The following PKN2 variants were observed in gnomAD, a reference collection of about 807,000 sequenced individuals.
PKN2 encodes the protein serine/threonine-protein kinase N2.
A neutral mutation model predicts 119.1 loss-of-function variants in PKN2; 38 were observed. That is an observed-to-expected ratio of 0.32 (90% CI 0.25 to 0.42). PKN2 has a LOEUF of 0.42. PKN2 is among the 10% of genes least tolerant of loss of function. The pLI, the probability that PKN2 is intolerant of heterozygous loss-of-function variation, is 1.00. For synonymous variants in PKN2, 390 were observed against 384.9 expected, an observed-to-expected ratio of 1.01 and a Z score of -0.15; for missense variants, 850 against 1,165.1, an observed-to-expected ratio of 0.73 and a Z score of 3.94.
chr1:88,804,134 C>CT (rs1298236302), intron 8 of PKN2, among the ~76,000 whole-genome samples: 1 of 152,004 alleles, frequency 6.6e-6, no homozygotes, highest in Non-Finnish European at 1.5e-5. Context: ...GTTGTGTATT[C>CT]TTTAAGTATA....
At chr1:88,755,329 A>G (rs1405955995) in intron 2 of PKN2, among the ~76,000 whole-genome samples, 2 of 152,222 alleles carry the variant, frequency 1.3e-5, no homozygotes, top group African/African-American at 4.8e-5. Context: ...GGCAGGTTAA[A>G]GAGGAAAATA....
At position 88,818,938 on chromosome 1, in the gene PKN2, C is replaced by G. The variant is rs2100908205; in HGVS notation, c.2280-3003C>G. 1.3e-5 allele frequency among the ~76,000 whole-genome samples: 2 copies of G among 151,758 alleles called. 1 individual carries two copies. The highest frequency in any genetic ancestry group is 6.8e-3 in the Middle Eastern group (2 of 294). ...AAAACAAGTAATGGGGAAAGAATTC[C>G]CTATTTAATAAATGGTGTTGGGAAA... On this transcript the variant is annotated intron_variant, in intron 16 of 21. Transcript: ENST00000370521.
In PKN2 at chr1:88,835,259, G is replaced by A. The variant is rs1012213963; in HGVS notation, c.*1811G>A. 11 of 152,220 alleles carry A rather than the reference G, an allele frequency of 7.2e-5. No homozygotes were observed. The highest frequency in any genetic ancestry group is 2.4e-4 in the African/African-American group (10 of 41,360). 9.4% of individuals were successfully genotyped at this position (152,220 alleles called of 1,614,324 possible). Reference sequence around the variant, plus strand: ...TTTTAAAATGCCAGTTAATTTCCTCGGCAAAGGACAATAGAGGAACTTAGC... The same window carrying A: ...TTTTAAAATGCCAGTTAATTTCCTCAGCAAAGGACAATAGAGGAACTTAGC... On this transcript the variant is annotated 3_prime_UTR_variant, in exon 22 of 22. Transcript: ENST00000370521.
intron 3 of PKN2, among the ~76,000 whole-genome samples, chr1:88,769,836 A>C (rs961259188): frequency 3.3e-5 from 5 of 152,218 alleles, no homozygotes; most frequent in African/African-American, 1.2e-4. Flanking sequence ...GAAGTTGGTC[A>C]AAAGGTACAT....
chr1:88,762,106 T>C (rs1669471459), intron 3 of PKN2, among the ~76,000 whole-genome samples: 1 of 152,180 alleles, frequency 6.6e-6, no homozygotes, highest in South Asian at 2.1e-4. Context: ...ATGTTGATAG[T>C]TGTATGGATG....
At chr1:88,753,506 G>A (rs561811565) in intron 2 of PKN2, among the ~76,000 whole-genome samples, 1 of 152,134 alleles carries the variant, frequency 6.6e-6, no homozygotes, top group Admixed American at 6.5e-5. Flanking sequence ...AGAAATACCC[G>A]AGACTGGGTA....
Position 88,684,480 on chromosome 1 carries a change from T to TC in PKN2, c.-100dup. 2.1e-6 allele frequency: 2 copies of TC among 961,698 alleles called. No homozygotes were observed. Among genetic ancestry groups the TC allele is most frequent in the African/African-American group, 1.8e-5 (1 of 56,324 alleles). The allele number at this position is 961,698 out of a possible 1,614,324, so 59.6% of individuals were successfully genotyped here. A position where few individuals can be genotyped will look rare whatever the true frequency, so the allele number is the denominator to read the frequency against. The stretch of plus-strand genomic sequence containing the variant: ...GAATCCCTAGTTGTTTTTTTTTTTT[T>TC]CTTTCTCTCCCCTCTCCTCACCCCC... On this transcript the variant is annotated 5_prime_UTR_variant, in exon 1 of 22. Transcript: ENST00000370521.
chr1:88,687,761 C>T (rs199567035), intron 1 of PKN2, among the ~76,000 whole-genome samples: 6,176 of 142,980 alleles, frequency 0.043, 197 homozygotes, highest in African/African-American at 0.11. Context: ...TTTCACCAAA[C>T]AGTTATGTAG....
At chr1:88,799,060 G>A (rs1168648657) in intron 8 of PKN2, among the ~76,000 whole-genome samples, 1 of 152,164 alleles carries the variant, frequency 6.6e-6, no homozygotes, top group Non-Finnish European at 1.5e-5. Flanking sequence ...AAGACATGGA[G>A]GCAGAAAAGT....
At chr1:88,736,388 C>T (rs1034567586) in intron 1 of PKN2, among the ~76,000 whole-genome samples, 1 of 151,734 alleles carries the variant, frequency 6.6e-6, no homozygotes, top group East Asian at 1.9e-4. Flanking sequence ...GAGACAGAGT[C>T]TCACTCACTC....
rs755753660 is a variant in PKN2 at position 88,786,155 on chromosome 1, G to C, written c.1223G>C (p.Ser408Thr). ...KLDNTVVGQT[S>T]WKPISNQSWD... ...GATAATACTGTGGTTGGCCAAACTAGCTGGAAACCCATTTCCAATCAGTCA... is the reference window on the plus strand; with the variant it reads ...GATAATACTGTGGTTGGCCAAACTACCTGGAAACCCATTTCCAATCAGTCA... Residue 408 changes from serine (S) to threonine (T), a missense_variant, in exon 8 of 22, where the codon AGC (serine) becomes ACC (threonine). This residue lies in a region of PKN2 where 350 missense variants were observed against 511.1 expected (regional missense o/e 0.68). Transcript: ENST00000370521. The C allele has an allele frequency of 4.3e-6, 7 of 1,613,248 alleles. No individual in the cohort carries two copies. Among genetic ancestry groups the C allele is most frequent in the Non-Finnish European group, 5.9e-6 (7 of 1,179,254 alleles).
At chr1:88,734,832 T>G (rs183953224) in intron 1 of PKN2, among the ~76,000 whole-genome samples, 2 of 152,296 alleles carry the variant, frequency 1.3e-5, no homozygotes, top group Admixed American at 1.3e-4. Context: ...TTGAAACTGA[T>G]AGCAACCCAA....
At chr1:88,755,873 A>G (rs1669176838) in intron 2 of PKN2, among the ~76,000 whole-genome samples, 1 of 151,352 alleles carries the variant, frequency 6.6e-6, no homozygotes, top group African/African-American at 2.4e-5. Flanking sequence ...AGTGTTATGT[A>G]GTATTTTTAC....
intron 16 of PKN2, among the ~76,000 whole-genome samples, chr1:88,817,929 A>G (rs1054139656): frequency 7.9e-5 from 12 of 152,200 alleles, no homozygotes; most frequent in African/African-American, 2.9e-4. Flanking sequence ...AAGGAAGTCA[A>G]ATTGTCTCTG....
intron 18 of PKN2, 52 bp downstream of exon 18, chr1:88,824,438 G>A (rs1248213851): frequency 9.9e-7 from 1 of 1,007,440 alleles, no homozygotes; most frequent in South Asian, 1.3e-5. Context: ...CTGTTTCTTT[G>A]TGCATCAGTA....
chr1:88,807,236 T>A, intron 12 of PKN2, 77 bp from the exon 13 acceptor site: 1 of 972,060 alleles, frequency 1.0e-6, no homozygotes, highest in Non-Finnish European at 1.5e-6. Context: ...TGAAATGTTT[T>A]TCCTTAATTT....
chr1:88,813,576 A>G lies in PKN2; in HGVS notation c.2122A>G (p.Ile708Val), dbSNP rs1271838633. 4 of 1,590,416 alleles carry G rather than the reference A, an allele frequency of 2.5e-6. No individual in the cohort carries two copies. The highest frequency in any genetic ancestry group is 3.4e-6 in the Non-Finnish European group (4 of 1,170,584). ...TTACAGCCTGATGTGTGAAAAAAGA[A>G]TTTTTGAAACTGTGAATAGTGTAAG... ...EVDSLMCEKR[I>V]FETVNSVRHP... is the part of the protein sequence containing the mutation. Residue 708 changes from isoleucine to valine, a missense_variant, in exon 16 of 22, where the codon ATT becomes GTT. Physicochemically the swap from Ile to Val is conservative, Grantham distance 29 (BLOSUM62 3). This residue lies in a region of PKN2 where 216 missense variants were observed against 252.8 expected (regional missense o/e 0.85). Transcript: ENST00000370521.
intron 16 of PKN2, among the ~76,000 whole-genome samples, chr1:88,820,195 T>G (rs1231044151): frequency 8.6e-5 from 1 of 11,604 alleles, no homozygotes; most frequent in African/African-American, 2.4e-4. Context: ...TATATATATA[T>G]ATATATATAT....
intron 2 of PKN2, among the ~76,000 whole-genome samples, chr1:88,752,589 C>T (rs1347137428): frequency 6.6e-6 from 1 of 152,094 alleles, no homozygotes; most frequent in East Asian, 1.9e-4. Flanking sequence ...TAATTGAACA[C>T]CTACACATTT....
Sources: allele counts gnomAD v4.1 joint callset (sites outside exome capture counted in the v4.1 genomes callset), GRCh38; gene constraint gnomAD v4.1.1; regional missense constraint gnomAD v4.1.1; transcripts MANE v1.5; gene names NCBI Gene and HGNC (gene_info 2026-07-23, HGNC 2026-07-21).